SUMF2: variants seen among roughly 807,000 people sequenced by gnomAD.
SUMF2 encodes inactive C-alpha-formylglycine-generating enzyme 2.
Under a neutral mutation model 44.8 loss-of-function variants are expected in SUMF2, and 45 were observed. The observed-to-expected ratio is 1.00, with a 90% CI of 0.79 to 1.29. The LOEUF is 1.29. Among genes scored for constraint, SUMF2 ranks in the 50% most tolerant of loss-of-function variants. The pLI is 0.00. For missense variants in SUMF2, 418 were observed against 389.9 expected (o/e 1.07, Z -0.61); for synonymous variants, 148 against 150.4 (o/e 0.98, Z 0.12).
Position 56,079,279 on chromosome 7 carries a change from G to A in SUMF2, c.822-249G>A, listed in dbSNP as rs969171815. The A allele has an allele frequency of 8.4e-5, 47 of 558,198 alleles. No individual in the cohort carries two copies. The African/African-American group carries it at 8.4e-4, about 10-fold the overall frequency. The allele number at this position is 558,198 out of a possible 1,614,324, so 34.6% of individuals were successfully genotyped here. ...TTCTGCTCTTCAGTGCTGTCTCTTGGGGCCACTGTCCCTCCCCCTACTCTT... is the reference window on the plus strand; with the variant it reads ...TTCTGCTCTTCAGTGCTGTCTCTTGAGGCCACTGTCCCTCCCCCTACTCTT... On this transcript the variant is annotated intron_variant, in intron 8 of 8. Transcript: ENST00000434526.
downstream of SUMF2, chr7:56,084,287 A>G: frequency 8.4e-7 from 1 of 1,185,052 alleles, no homozygotes; most frequent in Non-Finnish European, 1.2e-6. Flanking sequence ...CGGGGCCTAA[A>G]TGATGGCTGG....
At chr7:56,086,207 C>T in the SUMF2 span, among the ~76,000 whole-genome samples, 20 of 151,960 alleles carry the variant, frequency 1.3e-4, no homozygotes, top group Non-Finnish European at 2.4e-4. Context: ...CTACAGTCAT[C>T]CCTCTTTATC....
downstream of SUMF2, chr7:56,081,528 G>A (rs547867033): frequency 6.5e-6 from 9 of 1,395,120 alleles, no homozygotes; most frequent in East Asian, 2.1e-4. This position sits in a 1 kb window ranked among gnomAD's most constrained non-coding sequence, Gnocchi z 4.6. Context: ...GGGAGGGATG[G>A]GTACTCTGGA....
At chr7:56,074,040 AAAAAT>A in intron 3 of SUMF2, 129 bp from the exon 4 acceptor site, 54 of 654,942 alleles carry the variant, frequency 8.2e-5, no homozygotes, top group Middle Eastern at 2.9e-4. Context: ...AAAAAAAAAA[AAAAAT>A]CAGCCACAAC....
At position 56,078,401 on chromosome 7, in the gene SUMF2, A is replaced by G. The variant is rs776549766; in HGVS notation, c.714A>G (p.Thr238=). The G allele has an allele frequency of 6.2e-7, 1 of 1,611,782 alleles. No homozygotes were observed. The highest frequency in any genetic ancestry group is 1.3e-5 in the African/African-American group (1 of 75,000). The change falls in exon 8 of 9, where the codon ACA becomes ACG. Residue 238 remains threonine, a synonymous_variant. Transcript: ENST00000434526. The part of the protein sequence containing the change: ...YDLLGNVWEW[T]ASPYQAAEQD... ...TCCTGGGGAACGTGTGGGAGTGGACAGCATCACCGTACCAGGCTGCTGAGC... is the reference window on the plus strand; with the variant it reads ...TCCTGGGGAACGTGTGGGAGTGGACGGCATCACCGTACCAGGCTGCTGAGC...
chr7:56,077,590 C>T (rs1374658127), intron 6 of SUMF2, among the ~76,000 whole-genome samples: 3 of 150,492 alleles, frequency 2.0e-5, no homozygotes, highest in Non-Finnish European at 3.0e-5. Context: ...ACCCAGGAGG[C>T]GGAGGTTGCA....
At chr7:56,076,910 T>A in intron 6 of SUMF2, 21 bp downstream of exon 6, 1 of 1,599,658 alleles carries the variant, frequency 6.3e-7, no homozygotes, top group Non-Finnish European at 8.5e-7. Context: ...CGTTCCTCCT[T>A]TCACCAAGCA....
chr7:56,081,206 AG>A (rs1562875529), downstream of SUMF2: 1 of 1,613,770 alleles, frequency 6.2e-7, no homozygotes, highest in East Asian at 2.2e-5. This position sits in a 1 kb window ranked among gnomAD's most constrained non-coding sequence, Gnocchi z 4.6. Context: ...CGGAGGGCAT[AG>A]GGGTCTCGGA....
chr7:56,074,636 A>G lies in SUMF2; in HGVS notation c.435A>G (p.Leu145=). ...GIRERLEHPV[L]HVSWNDARAY... is the part of the protein sequence containing the mutation. ...GAGAGAGACTGGAGCACCCAGTGTTACACGTGAGCTGGAATGACGCCCGTG... is the reference window on the plus strand; with the variant it reads ...GAGAGAGACTGGAGCACCCAGTGTTGCACGTGAGCTGGAATGACGCCCGTG... The change falls in exon 5 of 9, where the codon TTA becomes TTG. Residue 145 remains leucine (L), a synonymous_variant. Coordinates refer to ENST00000434526, the MANE Select transcript of SUMF2 (RefSeq NM_015411.4). 6.2e-7 allele frequency: 1 copy of G among 1,614,132 alleles called. No homozygotes were observed. Among genetic ancestry groups the G allele is most frequent in the Non-Finnish European group, 8.5e-7 (1 of 1,180,016 alleles).
chr7:56,080,213 C>A lies in SUMF2; in HGVS notation c.*601C>A, dbSNP rs1795885086. ...GTGAAGCATTGCATTGTGGGAATCA[C>A]AAAGCAAATAGTACTCCAGAAAGAC... On this transcript the variant is annotated 3_prime_UTR_variant, in exon 9 of 9. Transcript: ENST00000434526. The A allele has an allele frequency of 2.7e-5, 5 of 181,864 alleles. No individual in the cohort carries two copies. The highest frequency in any genetic ancestry group is 3.3e-5 in the Non-Finnish European group (3 of 90,256). 11.3% of individuals were successfully genotyped at this position (181,864 alleles called of 1,614,324 possible). A position where few individuals can be genotyped will look rare whatever the true frequency, so the allele number is the denominator to read the frequency against.
At chr7:56,067,894 G>GAA (rs71015177) in intron 1 of SUMF2, among the ~76,000 whole-genome samples, 82 of 72,808 alleles carry the variant, frequency 1.1e-3, no homozygotes, top group Middle Eastern at 8.5e-3. Context: ...ATCCTGTCAC[G>GAA]AAAAAAAAAA....
In SUMF2 at chr7:56,074,232, C is replaced by T; in HGVS notation, c.384+14C>T. The T allele has an allele frequency of 6.2e-7, 1 of 1,612,990 alleles. No individual in the cohort carries two copies. The highest frequency in any genetic ancestry group is 8.5e-7 in the Non-Finnish European group (1 of 1,179,224). Reference sequence around the variant, plus strand: ...TTTTGGAGGCAGGTAAGGGCTGATTCCGCTACCTCATTTTCTACCCCTGCT... The same window carrying T: ...TTTTGGAGGCAGGTAAGGGCTGATTTCGCTACCTCATTTTCTACCCCTGCT... On this transcript the variant is annotated intron_variant, in intron 4 of 8. Transcript: ENST00000434526.
intron 4 of SUMF2, 87 bp from the exon 5 acceptor site, chr7:56,074,499 A>G: frequency 6.5e-7 from 1 of 1,536,964 alleles, no homozygotes. Flanking sequence ...ATCTAGTGGT[A>G]AAAGCTGAAC....
chr7:56,075,053 G>A (rs1180654433), intron 5 of SUMF2, among the ~76,000 whole-genome samples: 1 of 151,956 alleles, frequency 6.6e-6, no homozygotes, highest in Non-Finnish European at 1.5e-5. Context: ...AGCTATGATC[G>A]CACCACTGCT....
intron 4 of SUMF2, 114 bp downstream of exon 4, chr7:56,074,332 A>G (rs1375449446): frequency 2.4e-6 from 3 of 1,237,146 alleles, no homozygotes; most frequent in Non-Finnish European, 3.5e-6. Flanking sequence ...AAAGAAGGAT[A>G]GGGGAATATC....
chr7:56,074,413 T>C (rs1200492370), intron 4 of SUMF2, 173 bp from the exon 5 acceptor site: 5 of 1,024,912 alleles, frequency 4.9e-6, no homozygotes, highest in Non-Finnish European at 7.1e-6. Context: ...ATTTCTCCCT[T>C]CAGCCTCCTG....
intron 1 of SUMF2, among the ~76,000 whole-genome samples, chr7:56,065,022 C>G (rs912404830): frequency 6.6e-6 from 1 of 150,560 alleles, no homozygotes; most frequent in African/African-American, 2.4e-5. Flanking sequence ...GAAACCCCGT[C>G]TCTACTAAAA....
At chr7:56,069,007 T>G (rs1794997956) in intron 2 of SUMF2, among the ~76,000 whole-genome samples, 1 of 152,050 alleles carries the variant, frequency 6.6e-6, no homozygotes, top group African/African-American at 2.4e-5. Context: ...CCACTGCACT[T>G]GGCCTCATTC....
At chr7:56,082,321 AG>A, downstream of SUMF2, 6 of 1,252,876 alleles carry the variant, frequency 4.8e-6, no homozygotes, top group Non-Finnish European at 6.9e-6. Context: ...GGCTGGCCGC[AG>A]TGGCTCATTT....
Sources: allele counts gnomAD v4.1 joint callset (sites outside exome capture counted in the v4.1 genomes callset), GRCh38; gene constraint gnomAD v4.1.1; non-coding constraint Gnocchi (gnomAD v3.1); transcripts MANE v1.5; gene names NCBI Gene and HGNC (gene_info 2026-07-23, HGNC 2026-07-21).